MEF2B: variants seen among roughly 807,000 people sequenced by gnomAD.
The protein encoded by MEF2B is myocyte-specific enhancer factor 2B.
Under a neutral mutation model 32.2 loss-of-function variants are expected in MEF2B, and 15 were observed. The ratio of observed to expected loss-of-function variants is 0.47; its 90% confidence interval spans 0.31 to 0.72. The LOEUF (loss-of-function observed/expected upper bound fraction) is 0.72, where lower values mean the gene tolerates loss of function less well. MEF2B is among the 30% of genes least tolerant of loss of function. The pLI is 0.05. For synonymous variants in MEF2B, 205 were observed against 225.6 expected, an observed-to-expected ratio of 0.91 and a Z score of 0.82; for missense variants, 441 against 511.5, an observed-to-expected ratio of 0.86 and a Z score of 1.33.
At chr19:19,147,645 G>T in intron 4 of MEF2B, 53 bp downstream of exon 4, 1 of 1,593,196 alleles carries the variant, frequency 6.3e-7, no homozygotes, top group East Asian at 2.2e-5. Flanking sequence ...TCAACGACTT[G>T]GGCCTAGGAA....
At chr19:19,148,576 G>A (rs1196786217) in intron 3 of MEF2B, among the ~76,000 whole-genome samples, 1 of 152,050 alleles carries the variant, frequency 6.6e-6, no homozygotes, top group Admixed American at 6.6e-5. Flanking sequence ...GCCAACTTCT[G>A]CCCCACACTT....
In MEF2B at chr19:19,146,691, A is replaced by C. The variant is rs754000909; in HGVS notation, c.676-43T>G. ...GAAGGGGAAACTGAGGCCCACACCCAGGTCGCCCTGCCTGCCCTCATCAGC... is the reference window on the plus strand; with the variant it reads ...GAAGGGGAAACTGAGGCCCACACCCCGGTCGCCCTGCCTGCCCTCATCAGC... On this transcript the variant is annotated intron_variant, in intron 6 of 8. Coordinates refer to ENST00000424583, the MANE Select transcript of MEF2B (RefSeq NM_001145785.2). 3.1e-6 allele frequency: 5 copies of C among 1,613,548 alleles called. No individual in the cohort carries two copies. In the South Asian group the frequency reaches 5.5e-5, roughly 18 times the overall value.
intron 2 of MEF2B, 124 bp downstream of exon 2, chr19:19,150,558 G>T: frequency 8.9e-7 from 1 of 1,123,164 alleles, no homozygotes; most frequent in Non-Finnish European, 1.2e-6. Context: ...GGCTGACATG[G>T]CATCAGGACT....
chr19:19,153,185 G>C (rs989209204), intron 1 of MEF2B, among the ~76,000 whole-genome samples: 1 of 152,170 alleles, frequency 6.6e-6, no homozygotes, highest in Admixed American at 6.6e-5. Context: ...TGGAAGACCT[G>C]ACTCAAGCCC....
intron 1 of MEF2B, among the ~76,000 whole-genome samples, chr19:19,152,864 C>T (rs921750129): frequency 6.6e-6 from 1 of 152,202 alleles, no homozygotes; most frequent in Non-Finnish European, 1.5e-5. Flanking sequence ...CCCAGGCACA[C>T]CCTCTGCCCT....
At chr19:19,163,795 A>G (rs1380506896) in intron 1 of MEF2B, among the ~76,000 whole-genome samples, 1 of 151,954 alleles carries the variant, frequency 6.6e-6, no homozygotes, top group Non-Finnish European at 1.5e-5. Flanking sequence ...CTAGGGCTGC[A>G]GGCGCCTGCC....
At chr19:19,146,925 T>G in intron 5 of MEF2B, 50 bp from the exon 6 acceptor site, 1 of 1,588,122 alleles carries the variant, frequency 6.3e-7, no homozygotes, top group Non-Finnish European at 8.6e-7. Context: ...CCATGTCAAC[T>G]AATGAAGTCT....
At chr19:19,162,393 T>C (rs186371402) in intron 1 of MEF2B, among the ~76,000 whole-genome samples, 83 of 152,198 alleles carry the variant, frequency 5.5e-4, no homozygotes, top group African/African-American at 1.9e-3. Flanking sequence ...TCAGCCTCCC[T>C]AAGTGCTGGG....
chr19:19,149,554 G>A, intron 2 of MEF2B, 125 bp from the exon 3 acceptor site: 1 of 1,313,660 alleles, frequency 7.6e-7, no homozygotes, highest in Admixed American at 2.2e-5. Context: ...GGCTGAGCTG[G>A]TAATTCTCAT....
At chr19:19,167,193 A>G (rs1305020388) in intron 1 of MEF2B, among the ~76,000 whole-genome samples, 1 of 152,108 alleles carries the variant, frequency 6.6e-6, no homozygotes, top group Non-Finnish European at 1.5e-5. Context: ...TCTACTAAAA[A>G]TACAAACATT....
At chr19:19,151,934 C>G (rs2060084551) in intron 1 of MEF2B, among the ~76,000 whole-genome samples, 1 of 150,462 alleles carries the variant, frequency 6.6e-6, no homozygotes, top group Non-Finnish European at 1.5e-5. Flanking sequence ...ACCAGCCTGG[C>G]CAACATGCTA....
intron 3 of MEF2B, 122 bp from the exon 4 acceptor site, chr19:19,147,954 T>C: frequency 1.4e-6 from 2 of 1,440,078 alleles, no homozygotes; most frequent in Non-Finnish European, 1.8e-6. Flanking sequence ...AATGCAGGCA[T>C]GGCCTGCTCT....
chr19:19,147,561 C>A, intron 4 of MEF2B, 137 bp downstream of exon 4: 3 of 1,528,272 alleles, frequency 2.0e-6, no homozygotes, highest in African/African-American at 1.4e-5. Flanking sequence ...AGAAGCCTTT[C>A]CTGACCAACC....
At chr19:19,157,939 G>A (rs563361759) in intron 1 of MEF2B, among the ~76,000 whole-genome samples, 1 of 152,324 alleles carries the variant, frequency 6.6e-6, no homozygotes, top group South Asian at 2.1e-4. Context: ...ATTAGGCAGT[G>A]GCCCAAGGGG....
chr19:19,156,352 G>A (rs368944406), intron 1 of MEF2B, among the ~76,000 whole-genome samples: 54 of 151,244 alleles, frequency 3.6e-4, no homozygotes, highest in East Asian at 1.2e-3. Context: ...TGAGCCTAGC[G>A]GTTCAAGACC....
intron 1 of MEF2B, among the ~76,000 whole-genome samples, chr19:19,169,650 T>G (rs2060237099): frequency 6.6e-6 from 1 of 152,136 alleles, no homozygotes; most frequent in Admixed American, 6.6e-5. Flanking sequence ...TGTCATGTGC[T>G]AACAACCACA....
At chr19:19,146,699 C>T (rs2060029318) in intron 6 of MEF2B, 43 bp downstream of exon 6, 4 of 1,613,516 alleles carry the variant, frequency 2.5e-6, no homozygotes, top group Non-Finnish European at 3.4e-6. Context: ...CCAGGTCGCC[C>T]TGCCTGCCCT....
At chr19:19,153,004 C>T (rs2060095464) in intron 1 of MEF2B, among the ~76,000 whole-genome samples, 1 of 152,230 alleles carries the variant, frequency 6.6e-6, no homozygotes, top group Non-Finnish European at 1.5e-5. Flanking sequence ...GGAATCGGGC[C>T]TGTTCCCACG....
intron 1 of MEF2B, among the ~76,000 whole-genome samples, chr19:19,158,038 A>C (rs929060055): frequency 7.9e-5 from 12 of 151,206 alleles, no homozygotes; most frequent in African/African-American, 2.9e-4. Context: ...GTTGAGCTCA[A>C]CTCTAGTGGT....
Sources: gnomAD v4.1 joint callset for allele counts (sites outside exome capture counted in the v4.1 genomes callset) on GRCh38, gnomAD v4.1.1 for gene constraint, MANE v1.5 for transcripts, NCBI Gene and HGNC (gene_info 2026-07-23, HGNC 2026-07-21) for gene names.